PRDM6: variants seen among roughly 807,000 people sequenced by gnomAD.
PRDM6 encodes the protein PR/SET domain 6, also known as putative histone-lysine N-methyltransferase PRDM6.
PRDM6 carries 25 observed loss-of-function variants against 60.8 expected under a neutral mutation model. The observed-to-expected ratio is 0.41, with a 90% CI of 0.30 to 0.57. The LOEUF (loss-of-function observed/expected upper bound fraction) is 0.57. Ranked by LOEUF, PRDM6 falls within the 20% of genes least tolerant of loss-of-function variation. PRDM6 has a pLI of 0.27. For missense variants in PRDM6, 839 were observed against 821.3 expected, an observed-to-expected ratio of 1.02 and a Z score of -0.26; for synonymous variants, 407 against 357.4, an observed-to-expected ratio of 1.14 and a Z score of -1.57.
chr5:123,149,887 G>A (rs763176578), intron 3 of PRDM6, among the ~76,000 whole-genome samples: 1 of 152,140 alleles, frequency 6.6e-6, no homozygotes, highest in African/African-American at 2.4e-5. Flanking sequence ...CCTGTGTAAG[G>A]TACCTATCAG....
chr5:123,100,786 A>T (rs1230684519), intron 3 of PRDM6, among the ~76,000 whole-genome samples: 2 of 152,240 alleles, frequency 1.3e-5, no homozygotes, highest in Non-Finnish European at 2.9e-5. Flanking sequence ...CTCCCAAAAC[A>T]TCATGGTGGA....
chr5:123,177,310 A>G (rs1766037727), intron 6 of PRDM6, among the ~76,000 whole-genome samples: 1 of 152,234 alleles, frequency 6.6e-6, no homozygotes. Context: ...TAACTTCTGT[A>G]CTTTCTAAGG....
chr5:123,166,647 T>C (rs1458562724), intron 5 of PRDM6, among the ~76,000 whole-genome samples: 1 of 152,266 alleles, frequency 6.6e-6, no homozygotes, highest in Non-Finnish European at 1.5e-5. Context: ...TTGGTTTTCC[T>C]GATCCCCCTA....
chr5:123,150,675 A>G (rs899526621), intron 3 of PRDM6, among the ~76,000 whole-genome samples: 1 of 152,174 alleles, frequency 6.6e-6, no homozygotes, highest in Non-Finnish European at 1.5e-5. Flanking sequence ...TTATAGAAGG[A>G]TGGGGCTGTG....
chr5:123,191,994 A>G lies in PRDM6; in HGVS notation c.*4793A>G, dbSNP rs1043934837. 12 of 152,234 alleles carry G rather than the reference A, an allele frequency of 7.9e-5. No individual in the cohort carries two copies. Among genetic ancestry groups the G allele is most frequent in the African/African-American group, 2.9e-4 (12 of 41,466 alleles). 9.4% of individuals were successfully genotyped at this position (152,234 alleles called of 1,614,324 possible). A position where few individuals can be genotyped will look rare whatever the true frequency, so the allele number is the denominator to read the frequency against. On this transcript the variant is annotated 3_prime_UTR_variant, in exon 8 of 8. Transcript: ENST00000407847. ...AGATGTTTCATCAGATCAATATGTA[A>G]AACGATAACAAAAAATATGTCGGAA...
intron 3 of PRDM6, among the ~76,000 whole-genome samples, chr5:123,118,223 G>GAATTC (rs1764502329): frequency 6.6e-6 from 1 of 152,194 alleles, no homozygotes. Flanking sequence ...AAGAGAGATG[G>GAATTC]AATTCAAGTT....
intron 2 of PRDM6, among the ~76,000 whole-genome samples, chr5:123,093,107 T>A (rs1304818148): frequency 2.0e-5 from 3 of 152,210 alleles, no homozygotes; most frequent in African/African-American, 7.2e-5. Flanking sequence ...TTATCATGTA[T>A]AGATTTCCCT....
intron 5 of PRDM6, among the ~76,000 whole-genome samples, chr5:123,164,020 T>G (rs1872830): frequency 0.014 from 2,056 of 152,254 alleles, 21 homozygotes; most frequent in Non-Finnish European, 0.025. Context: ...AGGAAGGCCC[T>G]ACTCAAGCCC....
At chr5:123,149,658 G>C (rs576394273) in intron 3 of PRDM6, among the ~76,000 whole-genome samples, 10 of 152,152 alleles carry the variant, frequency 6.6e-5, no homozygotes, top group African/African-American at 2.4e-4. Context: ...TTGAAGAAAT[G>C]CTTCCTTACC....
chr5:123,165,708 C>A (rs1765737258), intron 5 of PRDM6, among the ~76,000 whole-genome samples: 1 of 152,208 alleles, frequency 6.6e-6, no homozygotes, highest in African/African-American at 2.4e-5. Flanking sequence ...TAATTTTTGC[C>A]TATTCAAGCA....
At chr5:123,171,131 A>G (rs1051002427) in intron 6 of PRDM6, 23 bp downstream of exon 6, 1 of 1,503,550 alleles carries the variant, frequency 6.7e-7, no homozygotes. Context: ...CTCACTGCTG[A>G]CAGTGTGTTT....
chr5:123,147,858 C>T (rs28390235), intron 3 of PRDM6, among the ~76,000 whole-genome samples: 149 of 152,352 alleles, frequency 9.8e-4, no homozygotes, highest in Non-Finnish European at 1.7e-3. Context: ...TGGCAGGCTT[C>T]ATATCGACGG....
chr5:123,147,813 C>G (rs934623049), intron 3 of PRDM6, among the ~76,000 whole-genome samples: 2 of 152,230 alleles, frequency 1.3e-5, no homozygotes, highest in Non-Finnish European at 2.9e-5. Context: ...GATCAACAGA[C>G]AGAGCATGCC....
chr5:123,089,293 C>A lies in PRDM6; in HGVS notation c.-242C>A, dbSNP rs1040681374. ...ACGCGGCAGCGGCCAAGCGCAGCAG[C>A]CCACGGCGGTTGAGTCGGGCGCCCA... On this transcript the variant is annotated 5_prime_UTR_variant, in exon 1 of 8. Transcript: ENST00000407847. 2.2e-4 allele frequency: 34 copies of A among 152,850 alleles called. No individual in the cohort carries two copies. Among genetic ancestry groups the A allele is most frequent in the African/African-American group, 8.0e-4 (33 of 41,412 alleles). 9.5% of individuals were successfully genotyped at this position (152,850 alleles called of 1,614,324 possible).
At chr5:123,159,706 C>CT (rs934463797) in intron 5 of PRDM6, 68 bp downstream of exon 5, 1 of 1,469,840 alleles carries the variant, frequency 6.8e-7, no homozygotes. Context: ...TTTTTAAGAG[C>CT]TTTTTTTGAA....
rs1340851957 is a variant in PRDM6 at position 123,090,114 on chromosome 5, C to T, written c.100C>T (p.Pro34Ser). 2 of 1,544,028 alleles carry T rather than the reference C, an allele frequency of 1.3e-6. No homozygotes were observed. Among genetic ancestry groups the T allele is most frequent in the Non-Finnish European group, 1.7e-6 (2 of 1,144,264 alleles). The change falls in exon 2 of 8, where the codon CCG (proline) becomes TCG (serine). Residue 34 changes from proline to serine, a missense_variant. By Grantham distance (74) the Pro-to-Ser change is moderately conservative (BLOSUM62 -1). Around this residue, in one of 2 missense-constraint regions of PRDM6, gnomAD observed 730 missense variants for 648.8 expected, o/e 1.13. Coordinates refer to ENST00000407847, the MANE Select transcript of PRDM6 (RefSeq NM_001136239.4). ...ACTCTTCCCTCACGGAGGCGCAGGC[C>T]CGCTCAAGGGCAGCGGCGCCGCGGG... ...QQLFPHGGAG[P>S]LKGSGAAGLL...
chr5:123,111,623 G>T lies in PRDM6; in HGVS notation c.900+11662G>T, dbSNP rs535396592. The stretch of plus-strand genomic sequence containing the variant: ...TGAGGCAGGAGAATGGCGTGAACCC[G>T]GGGGGCGGAGCTTGCAGTGATCCAA... On this transcript the variant is annotated intron_variant, in intron 3 of 7. Transcript: ENST00000407847. Among the ~76,000 whole-genome samples, 24 of 152,090 alleles carry T rather than the reference G, an allele frequency of 1.6e-4. No individual in the cohort carries two copies. In the South Asian group the frequency reaches 3.7e-3, roughly 24 times the overall value.
intron 7 of PRDM6, among the ~76,000 whole-genome samples, chr5:123,184,540 T>C (rs762365983): frequency 8.5e-5 from 13 of 152,254 alleles, no homozygotes; most frequent in Middle Eastern, 3.4e-3. Flanking sequence ...TTCTTCCTTC[T>C]TACTCTGTTA....
chr5:123,186,993 T>C (rs1005968775), intron 7 of PRDM6, 94 bp from the exon 8 acceptor site: 37 of 915,010 alleles, frequency 4.0e-5, no homozygotes, highest in Non-Finnish European at 6.9e-6. Flanking sequence ...GAAGCCACTT[T>C]GGAGTGTCTG....
Sources: gnomAD v4.1 joint callset for allele counts (sites outside exome capture counted in the v4.1 genomes callset) on GRCh38, gnomAD v4.1.1 for gene constraint, gnomAD v4.1.1 regional missense constraint, MANE v1.5 for transcripts, NCBI Gene and HGNC (gene_info 2026-07-23, HGNC 2026-07-21) for gene names.